The following COBL variants were observed in gnomAD, a reference collection of about 807,000 sequenced individuals.
The protein encoded by COBL is cordon-bleu WH2 repeat protein, also known as protein cordon-bleu.
COBL carries 51 observed loss-of-function variants against 98.8 expected under a neutral mutation model. That is an observed-to-expected ratio of 0.52 (90% CI 0.41 to 0.65). The LOEUF is 0.65. Among genes scored for constraint, COBL ranks in the 30% least tolerant of loss-of-function variants. The probability of loss-of-function intolerance (pLI) is 0.00; values close to 1 mark genes in which losing one functional copy is unlikely to be tolerated. For missense variants in COBL, 1,617 were observed against 1,617.5 expected (o/e 1.00, Z 0.01); for synonymous variants, 634 against 651.7 (o/e 0.97, Z 0.41).
At chr7:51,251,780 A>G (rs941813947) in intron 1 of COBL, among the ~76,000 whole-genome samples, 2 of 152,214 alleles carry the variant, frequency 1.3e-5, no homozygotes, top group Non-Finnish European at 2.9e-5. Context: ...GCCTAAAAAA[A>G]TGTTGAAAGA....
chr7:51,153,559 C>T (rs1181199600), intron 5 of COBL, among the ~76,000 whole-genome samples: 2 of 152,334 alleles, frequency 1.3e-5, no homozygotes. Context: ...ACAGCATGCT[C>T]CGTGACCTAC....
chr7:51,043,974 A>G (rs1056556684), intron 7 of COBL, among the ~76,000 whole-genome samples: 1 of 152,234 alleles, frequency 6.6e-6, no homozygotes, highest in Non-Finnish European at 1.5e-5. Context: ...GGGCAAGCAC[A>G]TTTAAAAATT....
At chr7:51,267,479 T>TG (rs1798326003) in intron 1 of COBL, among the ~76,000 whole-genome samples, 1 of 151,334 alleles carries the variant, frequency 6.6e-6, no homozygotes, top group Non-Finnish European at 1.5e-5. Context: ...TATTTGTATT[T>TG]TTATATATAT....
intron 6 of COBL, among the ~76,000 whole-genome samples, chr7:51,103,729 A>G (rs1796012978): frequency 6.6e-6 from 1 of 152,252 alleles, no homozygotes; most frequent in Non-Finnish European, 1.5e-5. Context: ...ACACATTACA[A>G]TAATATTACA....
chr7:51,211,483 T>C (rs993661871), intron 2 of COBL, among the ~76,000 whole-genome samples: 8 of 152,234 alleles, frequency 5.3e-5, no homozygotes, highest in Admixed American at 3.3e-4. Flanking sequence ...GTGCCAGGCA[T>C]GTGGTAGGCA....
chr7:51,095,246 C>T (rs1480619663), intron 6 of COBL, among the ~76,000 whole-genome samples: 6 of 152,178 alleles, frequency 3.9e-5, no homozygotes, highest in Non-Finnish European at 8.8e-5. Flanking sequence ...ATAAAACCAT[C>T]AGATCTCATG....
intron 7 of COBL, among the ~76,000 whole-genome samples, chr7:51,062,112 A>C (rs1477278239): frequency 6.6e-6 from 1 of 152,184 alleles, no homozygotes; most frequent in Non-Finnish European, 1.5e-5. Flanking sequence ...AATCTTCATT[A>C]TCTTTCTAAT....
intron 6 of COBL, among the ~76,000 whole-genome samples, chr7:51,101,423 T>C (rs1167515416): frequency 5.9e-5 from 9 of 152,218 alleles, no homozygotes; most frequent in Non-Finnish European, 1.3e-4. Flanking sequence ...ACTATATCTA[T>C]TTTTATAAAG....
At chr7:51,291,352 C>A (rs1481558867) in intron 1 of COBL, among the ~76,000 whole-genome samples, 1 of 152,178 alleles carries the variant, frequency 6.6e-6, no homozygotes, top group Non-Finnish European at 1.5e-5. Flanking sequence ...GGATCATATA[C>A]AACTGTAAAA....
intron 5 of COBL, among the ~76,000 whole-genome samples, chr7:51,154,112 C>T (rs1006717425): frequency 5.3e-5 from 8 of 152,184 alleles, no homozygotes; most frequent in African/African-American, 1.9e-4. Context: ...GCCTCTGAAT[C>T]CAAGCTTCTG....
chr7:51,048,040 AC>A (rs1187172177), intron 7 of COBL, among the ~76,000 whole-genome samples: 1 of 152,096 alleles, frequency 6.6e-6, no homozygotes, highest in African/African-American at 2.4e-5. Flanking sequence ...GGTGGTGCAC[AC>A]CTGTAATCCC....
intron 1 of COBL, among the ~76,000 whole-genome samples, chr7:51,252,681 G>A (rs1408018570): frequency 6.6e-6 from 1 of 152,088 alleles, no homozygotes; most frequent in Non-Finnish European, 1.5e-5. Flanking sequence ...ATTATACAAG[G>A]GTATAATATT....
At chr7:51,067,355 T>TACACATGTGTAG (rs1269982902) in intron 7 of COBL, among the ~76,000 whole-genome samples, 1 of 152,284 alleles carries the variant, frequency 6.6e-6, no homozygotes, top group Non-Finnish European at 1.5e-5. Flanking sequence ...CATATATGTA[T>TACACATGTGTAG]GCATGTGTAT....
chr7:51,074,173 T>C (rs1019788175), intron 7 of COBL, among the ~76,000 whole-genome samples: 1 of 150,624 alleles, frequency 6.6e-6, no homozygotes, highest in Admixed American at 6.6e-5. Flanking sequence ...ACTTCTTAAC[T>C]AGTAAAACAA....
At chr7:51,048,260 G>A (rs573551880) in intron 7 of COBL, among the ~76,000 whole-genome samples, 3 of 152,138 alleles carry the variant, frequency 2.0e-5, no homozygotes, top group South Asian at 2.1e-4. Flanking sequence ...TTTCATTGAC[G>A]TCTGAAAATT....
At chr7:51,306,976 T>G (rs560740596) in intron 1 of COBL, among the ~76,000 whole-genome samples, 1 of 152,306 alleles carries the variant, frequency 6.6e-6, no homozygotes, top group Non-Finnish European at 1.5e-5. Flanking sequence ...CAATGTGGCC[T>G]AGCAGAGTGG....
chr7:51,062,090 T>TA (rs1411374142), intron 7 of COBL, among the ~76,000 whole-genome samples: 2 of 152,220 alleles, frequency 1.3e-5, no homozygotes, highest in African/African-American at 4.8e-5. Context: ...AAAATAGGCC[T>TA]AATTTTAAGA....
chr7:51,058,277 G>A (rs1176375403), intron 7 of COBL, among the ~76,000 whole-genome samples: 4 of 152,060 alleles, frequency 2.6e-5, no homozygotes, highest in Non-Finnish European at 4.4e-5. Context: ...TATGGGTACC[G>A]TGACTCGCAT....
At chr7:51,170,274 C>G (rs920495849) in intron 5 of COBL, among the ~76,000 whole-genome samples, 13 of 151,604 alleles carry the variant, frequency 8.6e-5, no homozygotes, top group Non-Finnish European at 1.5e-4. Context: ...ATGTGTTGAC[C>G]CTGTTGTATA....
Sources: allele counts gnomAD v4.1 joint callset (sites outside exome capture counted in the v4.1 genomes callset), GRCh38; gene constraint gnomAD v4.1.1; transcripts MANE v1.5; gene names NCBI Gene and HGNC (gene_info 2026-07-23, HGNC 2026-07-21).